Variants in MTTP observed in about 807,000 individuals in gnomAD.
MTTP encodes the protein microsomal triglyceride transfer protein large subunit.
A neutral mutation model predicts 90.6 loss-of-function variants in MTTP; 49 were observed. The ratio of observed to expected loss-of-function variants is 0.54; its 90% CI spans 0.43 to 0.69. MTTP has a LOEUF of 0.69. Ranked by LOEUF, MTTP falls within the 30% of genes least tolerant of loss-of-function variation. MTTP has a pLI of 0.00. For synonymous variants in MTTP, 347 were observed against 384.2 expected (o/e 0.90, Z 1.13); for missense variants, 945 against 1,067.5 (o/e 0.89, Z 1.60).
Position 99,612,974 on chromosome 4 carries a change from A to G in MTTP, c.2051A>G (p.Glu684Gly). The change falls in exon 15 of 18, where the codon GAG becomes GGG. Residue 684 changes from glutamate to glycine, a missense_variant. Transcript: ENST00000265517. The stretch of plus-strand genomic sequence containing the variant: ...GCAGCCACCCCTGACGAGGGGGAGG[A>G]GAACCTTGACTCCTATGCTGGTATG... Reference protein sequence around the residue: ...LIAATPDEGEENLDSYAGMSA... With the variant: ...LIAATPDEGEGNLDSYAGMSA... The G allele has an allele frequency of 6.2e-7, 1 of 1,614,044 alleles. No homozygotes were observed. The highest frequency in any genetic ancestry group is 8.5e-7 in the Non-Finnish European group (1 of 1,179,954).
intron 3 of MTTP, among the ~76,000 whole-genome samples, chr4:99,584,916 C>A (rs1725221038): frequency 6.6e-6 from 1 of 152,120 alleles, no homozygotes. Context: ...TTTTATGAAG[C>A]CTTCTCCGAC....
intron 10 of MTTP, among the ~76,000 whole-genome samples, chr4:99,604,066 A>G (rs931982851): frequency 6.6e-6 from 1 of 152,140 alleles, no homozygotes; most frequent in Non-Finnish European, 1.5e-5. Context: ...CTACAGAAGA[A>G]CTGTAGTAAA....
intron 10 of MTTP, 76 bp downstream of exon 10, chr4:99,601,790 A>G: frequency 2.7e-6 from 3 of 1,109,734 alleles, no homozygotes; most frequent in East Asian, 2.4e-5. Context: ...GCTGCCTACT[A>G]TTGGCACTCC....
intron 7 of MTTP, among the ~76,000 whole-genome samples, chr4:99,596,102 C>A (rs575249259): frequency 2.0e-5 from 3 of 152,128 alleles, no homozygotes; most frequent in South Asian, 2.1e-4. Flanking sequence ...TCAGAAATGA[C>A]CCAGTAAATC....
intron 7 of MTTP, among the ~76,000 whole-genome samples, chr4:99,596,334 C>A (rs894414965): frequency 6.6e-6 from 1 of 151,964 alleles, no homozygotes; most frequent in African/African-American, 2.4e-5. Context: ...AAAATAAGTT[C>A]TTCAGTTAGT....
Position 99,623,404 on chromosome 4 carries a change from T to A in MTTP, c.*556T>A, listed in dbSNP as rs1381252611. On this transcript the variant is annotated 3_prime_UTR_variant, in exon 18 of 18. Transcript: ENST00000265517. ...AGACTTGTTAGCCAACTTCAAGAAT[T>A]AATATTTATGTCTCTGTTATTGTTA... 1 of 159,548 alleles carries A rather than the reference T, an allele frequency of 6.3e-6. No individual in the cohort carries two copies. The highest frequency in any genetic ancestry group is 1.4e-5 in the Non-Finnish European group (1 of 72,638). The allele number at this position is 159,548 out of a possible 1,614,324, so 9.9% of individuals were successfully genotyped here.
intron 8 of MTTP, among the ~76,000 whole-genome samples, chr4:99,598,081 T>A (rs1363296190): frequency 1.3e-5 from 2 of 152,200 alleles, no homozygotes; most frequent in African/African-American, 4.8e-5. Context: ...GCAGCTTTTT[T>A]CTGAAAAGTC....
intron 15 of MTTP, among the ~76,000 whole-genome samples, chr4:99,615,125 A>T (rs916525184): frequency 6.6e-6 from 1 of 152,204 alleles, no homozygotes; most frequent in African/African-American, 2.4e-5. Flanking sequence ...GAGGATTTGA[A>T]TCGGGGTGTA....
chr4:99,579,961 T>G (rs1578233184), intron 1 of MTTP, among the ~76,000 whole-genome samples: 1 of 143,084 alleles, frequency 7.0e-6, no homozygotes, highest in African/African-American at 2.6e-5. Flanking sequence ...CACTTGAGCC[T>G]GGAGATGAAG....
intron 11 of MTTP, among the ~76,000 whole-genome samples, chr4:99,607,418 C>T (rs907625627): frequency 9.2e-5 from 14 of 152,096 alleles, no homozygotes; most frequent in Non-Finnish European, 2.1e-4. Flanking sequence ...AGCTAAGCAC[C>T]TTCCCACCAG....
In MTTP at chr4:99,581,783, G is replaced by A. The variant is rs1461376929; in HGVS notation, c.62-122G>A. On this transcript the variant is annotated intron_variant, in intron 1 of 17. Coordinates refer to ENST00000265517, the MANE Select transcript of MTTP (RefSeq NM_001386140.1). ...ATTTCAGCAGATGAAGTAGCACCATGTTTCAATCAGCGAATATTTACCAAG... is the reference window on the plus strand; with the variant it reads ...ATTTCAGCAGATGAAGTAGCACCATATTTCAATCAGCGAATATTTACCAAG... 1.2e-5 allele frequency: 11 copies of A among 955,996 alleles called. No individual in the cohort carries two copies. The African/African-American group carries it at 1.6e-4, about 14-fold the overall frequency. 59.2% of individuals were successfully genotyped at this position (955,996 alleles called of 1,614,324 possible).
chr4:99,575,145 A>G (rs574881130), intron 1 of MTTP, among the ~76,000 whole-genome samples, 175 bp downstream of exon 1: 4 of 152,290 alleles, frequency 2.6e-5, no homozygotes, highest in African/African-American at 9.6e-5. Flanking sequence ...TGAAATGAAA[A>G]CCAAATTCAA....
chr4:99,591,617 T>C, intron 5 of MTTP, 34 bp from the exon 6 acceptor site: 1 of 1,600,064 alleles, frequency 6.2e-7, no homozygotes, highest in Non-Finnish European at 8.6e-7. Context: ...AAACGATGAT[T>C]ACTTGTTATA....
At position 99,622,769 on chromosome 4, in the gene MTTP, C is replaced by A. The variant is rs764748157; in HGVS notation, c.2606C>A (p.Pro869Gln). ...KESVLAGCEF[P>Q]LHQENSEMCK... is the part of the protein sequence containing the mutation. ...AGCGTATTAGCAGGATGTGAATTCC[C>A]GCTCCATCAAGAGAACTCAGAGATG... Residue 869 changes from proline to glutamine, a missense_variant, in exon 18 of 18, where the codon CCG becomes CAG. By Grantham distance (76) the Pro-to-Gln change is moderately conservative. Coordinates refer to ENST00000265517, the MANE Select transcript of MTTP (RefSeq NM_001386140.1). 2 of 1,613,956 alleles carry A rather than the reference C, an allele frequency of 1.2e-6. No individual in the cohort carries two copies. The highest frequency in any genetic ancestry group is 4.5e-5 in the East Asian group (2 of 44,876).
chr4:99,610,601 G>A (rs1331083208), intron 12 of MTTP, among the ~76,000 whole-genome samples: 2 of 152,170 alleles, frequency 1.3e-5, no homozygotes, highest in East Asian at 3.9e-4. Context: ...ACGCAATGGG[G>A]TAAGGATTAA....
chr4:99,599,053 TG>T (rs1725633805), intron 8 of MTTP, among the ~76,000 whole-genome samples: 1 of 152,172 alleles, frequency 6.6e-6, no homozygotes, highest in Non-Finnish European at 1.5e-5. Flanking sequence ...TGTAGGCTAG[TG>T]AGAGGCAGGG....
intron 10 of MTTP, among the ~76,000 whole-genome samples, chr4:99,604,698 C>T (rs1479900223): frequency 1.3e-5 from 2 of 151,988 alleles, no homozygotes; most frequent in Non-Finnish European, 2.9e-5. Flanking sequence ...TGTGAGTTCC[C>T]ACTGCTATCT....
intron 3 of MTTP, among the ~76,000 whole-genome samples, chr4:99,584,537 A>G (rs1725209669): frequency 6.6e-6 from 1 of 152,124 alleles, no homozygotes; most frequent in Admixed American, 6.6e-5. Flanking sequence ...CACAAGAAGA[A>G]ATCTTGTGTT....
intron 16 of MTTP, 121 bp from the exon 17 acceptor site, chr4:99,620,940 C>T: frequency 3.2e-6 from 3 of 950,794 alleles, no homozygotes; most frequent in Non-Finnish European, 4.8e-6. Context: ...CTCTGAATCC[C>T]TTAAGTGTTT....
Sources: allele counts gnomAD v4.1 joint callset (sites outside exome capture counted in the v4.1 genomes callset), GRCh38; gene constraint gnomAD v4.1.1; transcripts MANE v1.5; gene names NCBI Gene and HGNC (gene_info 2026-07-23, HGNC 2026-07-21).